The following H2AZ2 variants were observed in gnomAD, a reference collection of about 807,000 sequenced individuals.
The protein encoded by H2AZ2 is histone H2A.V.
In H2AZ2, 5 loss-of-function variants were observed where a neutral mutation model predicts 15.5. The observed-to-expected ratio is 0.32, with a 90% CI of 0.17 to 0.68. The LOEUF is 0.68. Among genes scored for constraint, H2AZ2 ranks in the 30% least tolerant of loss-of-function variants. H2AZ2 has a pLI of 0.72. For missense variants in H2AZ2, 42 were observed against 162.5 expected (o/e 0.26, Z 4.03); for synonymous variants, 44 against 57.4 (o/e 0.77, Z 1.05).
chr7:44,828,933 G>A (rs963385007), downstream of H2AZ2: 2 of 152,030 alleles, frequency 1.3e-5, no homozygotes, highest in Non-Finnish European at 2.9e-5. Flanking sequence ...TAGCACCTTG[G>A]GCCTTCCTTT....
At chr7:44,846,903 C>T (rs909378348) in intron 1 of H2AZ2, among the ~76,000 whole-genome samples, 1 of 152,048 alleles carries the variant, frequency 6.6e-6, no homozygotes, top group African/African-American at 2.4e-5. Context: ...TCCCTAAAGT[C>T]TATTCCAGCT....
intron 1 of H2AZ2, among the ~76,000 whole-genome samples, chr7:44,846,413 C>T (rs1330454715): frequency 6.6e-6 from 1 of 151,912 alleles, no homozygotes; most frequent in Non-Finnish European, 1.5e-5. Flanking sequence ...GTCAAGAGAT[C>T]GAGACCATCC....
intron 1 of H2AZ2, among the ~76,000 whole-genome samples, chr7:44,844,088 T>C (rs1013412276): frequency 6.7e-6 from 1 of 148,994 alleles, no homozygotes; most frequent in South Asian, 2.1e-4. Context: ...AATTGTCATA[T>C]AGTCTAGCAA....
Position 44,843,262 on chromosome 7 carries a change from G to A in H2AZ2, c.81+15C>T, listed in dbSNP as rs765057806. Reference sequence around the variant, plus strand: ...TAAAGAAAATAATAATGTAATGACAGCATGGATTCATTACCTGTAGCCCAG... The same window carrying A: ...TAAAGAAAATAATAATGTAATGACAACATGGATTCATTACCTGTAGCCCAG... On this transcript the variant is annotated intron_variant, in intron 2 of 4. Coordinates refer to ENST00000308153, the MANE Select transcript of H2AZ2 (RefSeq NM_012412.5). 5 of 1,533,378 alleles carry A rather than the reference G, an allele frequency of 3.3e-6. No individual in the cohort carries two copies. The highest frequency in any genetic ancestry group is 4.4e-6 in the Non-Finnish European group (5 of 1,125,194). 95.0% of individuals were successfully genotyped at this position (1,533,378 alleles called of 1,614,324 possible).
chr7:44,837,834 G>T (rs917022366), intron 3 of H2AZ2, among the ~76,000 whole-genome samples: 2 of 76,114 alleles, frequency 2.6e-5, no homozygotes, highest in East Asian at 4.5e-4. Context: ...AAAAAAAAGG[G>T]GGGGGGGGCT....
At chr7:44,837,981 C>CT (rs937451639) in intron 3 of H2AZ2, among the ~76,000 whole-genome samples, 4 of 149,542 alleles carry the variant, frequency 2.7e-5, no homozygotes, top group East Asian at 2.0e-4. Flanking sequence ...CTTTTTTTTT[C>CT]TTTTTTTTAA....
intron 3 of H2AZ2, 101 bp downstream of exon 3, chr7:44,840,798 G>T: frequency 1.4e-6 from 1 of 725,848 alleles, no homozygotes. Flanking sequence ...AAGCCCCAGT[G>T]AGCATAATAT....
At chr7:44,830,563 T>C (rs190863409), downstream of H2AZ2, among the ~76,000 whole-genome samples, 5 of 152,300 alleles carry the variant, frequency 3.3e-5, no homozygotes, top group East Asian at 5.8e-4. Flanking sequence ...ACACCTTCTA[T>C]TTAAAAAAAG....
At chr7:44,843,773 G>C (rs1048595983) in intron 1 of H2AZ2, among the ~76,000 whole-genome samples, 1 of 152,114 alleles carries the variant, frequency 6.6e-6, no homozygotes, top group Non-Finnish European at 1.5e-5. Flanking sequence ...GGCCAAGCTG[G>C]TCTTGAACTC....
intron 4 of H2AZ2, chr7:44,835,261 G>C: frequency 2.4e-6 from 1 of 410,454 alleles, no homozygotes; most frequent in East Asian, 3.5e-5. Context: ...AAAAAAGTAT[G>C]GGAAATATGT....
chr7:44,842,278 C>G (rs908577588), intron 2 of H2AZ2, among the ~76,000 whole-genome samples: 2 of 152,168 alleles, frequency 1.3e-5, no homozygotes, highest in Admixed American at 1.3e-4. Context: ...TCCCTGTGCT[C>G]CTTTCTCATT....
chr7:44,835,354 T>C lies in H2AZ2; in HGVS notation c.325+175A>G, dbSNP rs1583712024. On this transcript the variant is annotated intron_variant, in intron 4 of 4. Coordinates refer to ENST00000308153, the MANE Select transcript of H2AZ2 (RefSeq NM_012412.5). Reference sequence around the variant, plus strand: ...AATAGCATTACATATGGCTAGAAGGTGAAATATTTATTCAGATCATTATGA... The same window carrying C: ...AATAGCATTACATATGGCTAGAAGGCGAAATATTTATTCAGATCATTATGA... 3 of 482,756 alleles carry C rather than the reference T, an allele frequency of 6.2e-6. No individual in the cohort carries two copies. The East Asian group carries it at 9.7e-5, about 16-fold the overall frequency. 29.9% of individuals were successfully genotyped at this position (482,756 alleles called of 1,614,324 possible). A position where few individuals can be genotyped will look rare whatever the true frequency, so the allele number is the denominator to read the frequency against.
Position 44,843,267 on chromosome 7 carries a change from G to C in H2AZ2, c.81+10C>G, listed in dbSNP as rs762900591. 6.4e-7 allele frequency: 1 copy of C among 1,562,230 alleles called. No individual in the cohort carries two copies. The highest frequency in any genetic ancestry group is 8.7e-7 in the Non-Finnish European group (1 of 1,145,834). ...AAAATAATAATGTAATGACAGCATG[G>C]ATTCATTACCTGTAGCCCAGCTCTC... is the stretch of plus-strand genomic sequence containing the variant. On this transcript the variant is annotated intron_variant, in intron 2 of 4. Coordinates refer to ENST00000308153, the MANE Select transcript of H2AZ2 (RefSeq NM_012412.5).
chr7:44,827,913 C>T (rs887666212), downstream of H2AZ2: 1 of 152,148 alleles, frequency 6.6e-6, no homozygotes, highest in East Asian at 1.9e-4. Context: ...TTTCATGTAT[C>T]CATTTCAAAG....
intron 3 of H2AZ2, 96 bp from the exon 4 acceptor site, chr7:44,835,754 A>C: frequency 1.0e-6 from 1 of 1,004,688 alleles, no homozygotes; most frequent in Non-Finnish European, 1.4e-6. Context: ...CACACACAAT[A>C]CATAAACTGA....
In H2AZ2 at chr7:44,832,519, A is replaced by G. The variant is rs917243606; in HGVS notation, c.*1982T>C. ...TTTGTGCATTTGTGAAAATTTCCAT[A>G]ATAAAATGTTTTTAAAAATGAGTTT... is the stretch of plus-strand genomic sequence containing the variant. On this transcript the variant is annotated 3_prime_UTR_variant, in exon 5 of 5. Transcript: ENST00000308153. Among the ~76,000 whole-genome samples, 4 of 152,310 alleles carry G rather than the reference A, an allele frequency of 2.6e-5. No homozygotes were observed. The highest frequency in any genetic ancestry group is 9.6e-5 in the African/African-American group (4 of 41,560).
chr7:44,842,189 A>G (rs1178515703), intron 2 of H2AZ2, among the ~76,000 whole-genome samples: 1 of 152,132 alleles, frequency 6.6e-6, no homozygotes, highest in African/African-American at 2.4e-5. Flanking sequence ...AAAACATTTC[A>G]TCTTAGACTT....
chr7:44,848,053 C>G lies in H2AZ2; in HGVS notation c.-82G>C. ...CGCCGCCGCCGCCGCTCTCGCAGCA[C>G]CGACCGCCGCCGCCGGAGCCGGACA... On this transcript the variant is annotated 5_prime_UTR_variant, in exon 1 of 5. Coordinates refer to ENST00000308153, the MANE Select transcript of H2AZ2 (RefSeq NM_012412.5). 1.2e-6 allele frequency: 1 copy of G among 862,316 alleles called. No homozygotes were observed. Among genetic ancestry groups the G allele is most frequent in the Non-Finnish European group, 1.5e-6 (1 of 652,502 alleles). 53.4% of individuals were successfully genotyped at this position (862,316 alleles called of 1,614,324 possible).
At chr7:44,834,784 C>CT (rs35455193) in intron 4 of H2AZ2, 45,199 of 159,312 alleles carry the variant, frequency 0.28, 8,264 homozygotes, top group Non-Finnish European at 0.37. Context: ...GTAACCATAG[C>CT]TTTTTTTTTT....
Sources: allele counts gnomAD v4.1 joint callset (sites outside exome capture counted in the v4.1 genomes callset), GRCh38; gene constraint gnomAD v4.1.1; transcripts MANE v1.5; gene names NCBI Gene and HGNC (gene_info 2026-07-23, HGNC 2026-07-21).